The following SLC24A2 variants were observed in gnomAD, a reference collection of about 807,000 sequenced individuals.
SLC24A2 encodes the protein sodium/potassium/calcium exchanger 2.
In SLC24A2, 36 loss-of-function variants were observed where a neutral mutation model predicts 62.0. The observed-to-expected ratio is 0.58, with a 90% CI of 0.44 to 0.77. The LOEUF is 0.77. Ranked by LOEUF, SLC24A2 falls within the 30% of genes least tolerant of loss-of-function variation. The pLI, the probability that SLC24A2 is intolerant of heterozygous loss-of-function variation, is 0.00. For synonymous variants in SLC24A2, 358 were observed against 294.0 expected (o/e 1.22, Z -2.23); for missense variants, 846 against 817.9 (o/e 1.03, Z -0.42).
chr9:20,202,791 T>A, the SLC24A2 span, among the ~76,000 whole-genome samples: 3 of 152,208 alleles, frequency 2.0e-5, no homozygotes, highest in Admixed American at 2.0e-4. Flanking sequence ...ATAAAACCTC[T>A]TAAACCCTGG....
rs1401217785 is a variant in SLC24A2, at chr9:19,509,166, T to C, written c.*6987A>G. ...TTCCATATGGGTGAACTTTGCTTTA[T>C]ATAACAAAATGGATTCCTGAAAAAA... On this transcript the variant is annotated 3_prime_UTR_variant, in exon 11 of 11. Transcript: ENST00000341998. 1.3e-5 allele frequency: 2 copies of C among 152,316 alleles called. No homozygotes were observed. The highest frequency in any genetic ancestry group is 2.9e-5 in the Non-Finnish European group (2 of 68,018). 9.4% of individuals were successfully genotyped at this position (152,316 alleles called of 1,614,324 possible). A position where few individuals can be genotyped will look rare whatever the true frequency, so the allele number is the denominator to read the frequency against.
the SLC24A2 span, among the ~76,000 whole-genome samples, chr9:19,907,416 C>G: frequency 1.3e-5 from 2 of 152,160 alleles, no homozygotes; most frequent in Non-Finnish European, 2.9e-5. Flanking sequence ...AAAACTGGCA[C>G]AAGACAGGGA....
chr9:19,799,531 G>A, the SLC24A2 span, among the ~76,000 whole-genome samples: 1 of 152,126 alleles, frequency 6.6e-6, no homozygotes, highest in Non-Finnish European at 1.5e-5. Flanking sequence ...TAAGGAATGA[G>A]GTGGAGTCAT....
At chr9:19,930,995 T>G in the SLC24A2 span, among the ~76,000 whole-genome samples, 221 of 152,328 alleles carry the variant, frequency 1.5e-3, 1 homozygote, top group Non-Finnish European at 1.7e-3. Context: ...TTAGCAGAAT[T>G]CATTGACACT....
the SLC24A2 span, among the ~76,000 whole-genome samples, chr9:20,269,011 A>C: frequency 6.6e-6 from 1 of 152,236 alleles, no homozygotes; most frequent in Non-Finnish European, 1.5e-5. Context: ...ATTGTTGCTA[A>C]GAATTATTTT....
Position 19,607,620 on chromosome 9 carries a change from G to A in SLC24A2, c.1079-10341C>T, listed in dbSNP as rs146095749. ...TGTAATCATAGCTACTTGAGAGGCT[G>A]AGGCAGGAGACTCGCTTGAACCCGG... On this transcript the variant is annotated intron_variant, in intron 4 of 10. Transcript: ENST00000341998. Among the ~76,000 whole-genome samples the A allele has an allele frequency of 4.7e-3, 713 of 151,258 alleles. 3 individuals carry two copies. The highest frequency in any genetic ancestry group is 0.023 in the Admixed American group (352 of 15,136).
the SLC24A2 span, among the ~76,000 whole-genome samples, chr9:20,259,062 T>A: frequency 2.0e-5 from 3 of 151,918 alleles, no homozygotes; most frequent in African/African-American, 7.3e-5. Flanking sequence ...CTGGGAAGAA[T>A]AGTAAGAGAG....
chr9:19,979,446 G>C, the SLC24A2 span, among the ~76,000 whole-genome samples: 1 of 152,172 alleles, frequency 6.6e-6, no homozygotes, highest in Non-Finnish European at 1.5e-5. Flanking sequence ...GCTTATGGGT[G>C]CACAAAGTCA....
chr9:19,749,361 A>AG (rs1251636165), intron 2 of SLC24A2, among the ~76,000 whole-genome samples: 2 of 152,100 alleles, frequency 1.3e-5, no homozygotes, highest in African/African-American at 4.8e-5. Flanking sequence ...TTTTTTAAAA[A>AG]GGTATTTGTG....
At chr9:19,968,448 T>G in the SLC24A2 span, among the ~76,000 whole-genome samples, 3 of 152,206 alleles carry the variant, frequency 2.0e-5, no homozygotes, top group Non-Finnish European at 4.4e-5. Context: ...TTCCATTTTA[T>G]AGATGAGGAA....
the SLC24A2 span, among the ~76,000 whole-genome samples, chr9:20,102,659 C>A: frequency 6.7e-6 from 1 of 149,282 alleles, no homozygotes. Flanking sequence ...TTTTAAAATG[C>A]ACTGCAAAAA....
intron 2 of SLC24A2, among the ~76,000 whole-genome samples, chr9:19,699,353 A>T (rs1303813228): frequency 6.6e-6 from 1 of 152,202 alleles, no homozygotes; most frequent in Non-Finnish European, 1.5e-5. Context: ...CAAAATGGAG[A>T]AATTGCCCCT....
chr9:19,638,408 A>G (rs1818412001), intron 2 of SLC24A2, among the ~76,000 whole-genome samples: 1 of 152,236 alleles, frequency 6.6e-6, no homozygotes, highest in Non-Finnish European at 1.5e-5. Flanking sequence ...GCAGATGATT[A>G]TAACACTTTC....
chr9:20,036,745 G>C, the SLC24A2 span, among the ~76,000 whole-genome samples: 1 of 152,048 alleles, frequency 6.6e-6, no homozygotes, highest in African/African-American at 2.4e-5. Context: ...TCAGTTATAG[G>C]ATGCCGGAGG....
chr9:19,947,366 AAAGAAG>A, the SLC24A2 span, among the ~76,000 whole-genome samples: 8 of 151,096 alleles, frequency 5.3e-5, no homozygotes, highest in African/African-American at 2.0e-4. Context: ...GGAAGGAAGG[AAAGAAG>A]GAAGGAAGGA....
chr9:20,191,907 A>T, the SLC24A2 span, among the ~76,000 whole-genome samples: 1 of 152,126 alleles, frequency 6.6e-6, no homozygotes, highest in Non-Finnish European at 1.5e-5. Flanking sequence ...GAACAGTTCA[A>T]ACATATTAGA....
the SLC24A2 span, among the ~76,000 whole-genome samples, chr9:19,909,032 C>G: frequency 6.6e-6 from 1 of 152,070 alleles, no homozygotes; most frequent in Non-Finnish European, 1.5e-5. Context: ...CACATGCACA[C>G]GTATGTTTAT....
At chr9:19,953,640 T>G in the SLC24A2 span, among the ~76,000 whole-genome samples, 1 of 152,206 alleles carries the variant, frequency 6.6e-6, no homozygotes, top group South Asian at 2.1e-4. Context: ...CAAAATCATT[T>G]AATTTTTATT....
chr9:20,228,410 G>C, the SLC24A2 span, among the ~76,000 whole-genome samples: 2 of 152,066 alleles, frequency 1.3e-5, no homozygotes, highest in African/African-American at 4.8e-5. Flanking sequence ...TACACACCCA[G>C]AGAAGGAACA....
Sources: gnomAD v4.1 joint callset for allele counts (sites outside exome capture counted in the v4.1 genomes callset) on GRCh38, gnomAD v4.1.1 for gene constraint, MANE v1.5 for transcripts, NCBI Gene and HGNC (gene_info 2026-07-23, HGNC 2026-07-21) for gene names.